Variants in DENND1A observed in about 807,000 individuals in gnomAD.
The protein encoded by DENND1A is DENN domain-containing protein 1A.
In DENND1A, 51 loss-of-function variants were observed where a neutral mutation model predicts 113.7. That is an observed-to-expected ratio of 0.45 (90% CI 0.36 to 0.57). The LOEUF (loss-of-function observed/expected upper bound fraction) is 0.57. Ranked by LOEUF, DENND1A falls within the 20% of genes least tolerant of loss-of-function variation. The pLI is 0.00. For synonymous variants in DENND1A, 565 were observed against 570.8 expected (o/e 0.99, Z 0.14); for missense variants, 1,258 against 1,395.9 (o/e 0.90, Z 1.57).
At chr9:123,663,888 A>C (rs1395984573) in intron 8 of DENND1A, among the ~76,000 whole-genome samples, 1 of 152,100 alleles carries the variant, frequency 6.6e-6, no homozygotes, top group Non-Finnish European at 1.5e-5. Context: ...GTCTCAAACA[A>C]AGTATTACTC....
chr9:123,793,828 C>A (rs964855013), intron 2 of DENND1A, among the ~76,000 whole-genome samples: 5 of 152,156 alleles, frequency 3.3e-5, no homozygotes, highest in Admixed American at 2.6e-4. Context: ...ATAATAAAAG[C>A]AGGAATATTC....
intron 1 of DENND1A, chr9:123,928,918 T>A: frequency 1.0e-6 from 1 of 985,068 alleles, no homozygotes; most frequent in Non-Finnish European, 1.2e-6. Context: ...TCAACTTTGC[T>A]TTTTAATGCC....
At chr9:123,411,282 G>C (rs958398418) in intron 20 of DENND1A, 2 of 152,222 alleles carry the variant, frequency 1.3e-5, no homozygotes, top group African/African-American at 4.8e-5. Context: ...ATGGGAAAGT[G>C]GATCTCCAAG....
intron 5 of DENND1A, among the ~76,000 whole-genome samples, chr9:123,725,941 T>C (rs1484839845): frequency 6.6e-6 from 1 of 152,220 alleles, no homozygotes; most frequent in Admixed American, 6.5e-5. Flanking sequence ...CGTTCAGCTT[T>C]TAGTAAGTAA....
chr9:123,536,709 TG>T (rs2055807799), intron 13 of DENND1A, among the ~76,000 whole-genome samples: 1 of 151,292 alleles, frequency 6.6e-6, no homozygotes, highest in South Asian at 2.1e-4. Flanking sequence ...GGGTCCACAA[TG>T]GGGAGAAACT....
chr9:123,710,183 T>C (rs2066485924), intron 5 of DENND1A, among the ~76,000 whole-genome samples: 1 of 152,218 alleles, frequency 6.6e-6, no homozygotes, highest in Non-Finnish European at 1.5e-5. Flanking sequence ...CTTGCATACA[T>C]ACAAATGTTT....
chr9:123,569,230 C>A (rs1319102866), intron 12 of DENND1A, among the ~76,000 whole-genome samples: 1 of 152,142 alleles, frequency 6.6e-6, no homozygotes, highest in African/African-American at 2.4e-5. Context: ...GTGAGCTCTG[C>A]CAGTTAATTG....
intron 2 of DENND1A, among the ~76,000 whole-genome samples, chr9:123,827,417 A>G (rs1475967539): frequency 6.9e-6 from 1 of 144,810 alleles, no homozygotes; most frequent in Non-Finnish European, 1.5e-5. Context: ...ATATATATAT[A>G]GGTGGGAGGA....
At chr9:123,523,486 G>A (rs1221003565) in intron 13 of DENND1A, among the ~76,000 whole-genome samples, 3 of 152,228 alleles carry the variant, frequency 2.0e-5, no homozygotes, top group African/African-American at 7.2e-5. Flanking sequence ...TAAGGAACCT[G>A]TAGTATTTGT....
At chr9:123,902,110 T>C (rs995900150) in intron 1 of DENND1A, among the ~76,000 whole-genome samples, 3 of 151,970 alleles carry the variant, frequency 2.0e-5, no homozygotes, top group African/African-American at 7.2e-5. Flanking sequence ...CAGGTTCATT[T>C]GTCTTCCACC....
intron 16 of DENND1A, among the ~76,000 whole-genome samples, chr9:123,453,748 G>A (rs149888074): frequency 1.9e-3 from 295 of 152,254 alleles, no homozygotes; most frequent in Admixed American, 3.7e-3. Context: ...GAAATTTTGA[G>A]CTTTAATTAA....
intron 1 of DENND1A, among the ~76,000 whole-genome samples, chr9:123,919,813 T>G (rs1315307565): frequency 1.5e-5 from 2 of 134,632 alleles, no homozygotes; most frequent in Non-Finnish European, 1.5e-5. Flanking sequence ...ACCTGGGAGG[T>G]GGAGGTTGCA....
At chr9:123,655,237 G>C (rs1349828583) in intron 8 of DENND1A, among the ~76,000 whole-genome samples, 1 of 152,092 alleles carries the variant, frequency 6.6e-6, no homozygotes, top group Non-Finnish European at 1.5e-5. Flanking sequence ...GTATGTTTTT[G>C]CCACGAGACG....
intron 5 of DENND1A, among the ~76,000 whole-genome samples, chr9:123,697,903 C>A (rs890945849): frequency 1.3e-5 from 2 of 152,122 alleles, no homozygotes; most frequent in African/African-American, 4.8e-5. Context: ...TAAACACAAC[C>A]TTTAGGCTGT....
chr9:123,385,785 G>C, intron 22 of DENND1A, among the ~76,000 whole-genome samples: 1 of 152,186 alleles, frequency 6.6e-6, no homozygotes, highest in East Asian at 1.9e-4. Context: ...CGCAAGAGGT[G>C]GAAATGGAAG....
intron 19 of DENND1A, chr9:123,414,448 AG>A (rs2044559176): frequency 6.8e-7 from 1 of 1,477,068 alleles, no homozygotes; most frequent in Non-Finnish European, 9.0e-7. Flanking sequence ...TCTCAGTGGA[AG>A]GCCGGCATCT....
In DENND1A at chr9:123,403,505, G is replaced by C. The variant is rs1051220211; in HGVS notation, c.1543-15C>G. 1 of 1,612,066 alleles carries C rather than the reference G, an allele frequency of 6.2e-7. No homozygotes were observed. ...GGTGGGCGCACCTAGAGGAGGTACA[G>C]GGGGAGAGCCCCAAGAAGGAGTGAG... is the stretch of plus-strand genomic sequence containing the variant. On this transcript the variant is annotated splice_polypyrimidine_tract_variant and intron_variant, in intron 20 of 23. Coordinates refer to ENST00000394215, the MANE Select transcript of DENND1A (RefSeq NM_001352964.2).
At chr9:123,451,293 T>C (rs2047702518) in intron 17 of DENND1A, among the ~76,000 whole-genome samples, 1 of 152,164 alleles carries the variant, frequency 6.6e-6, no homozygotes, top group Non-Finnish European at 1.5e-5. Context: ...CCTGCTAAAA[T>C]AACTACAGCT....
At chr9:123,522,194 C>A (rs1311456817) in intron 13 of DENND1A, among the ~76,000 whole-genome samples, 1 of 152,178 alleles carries the variant, frequency 6.6e-6, no homozygotes, top group African/African-American at 2.4e-5. Flanking sequence ...ATCCTGCTAC[C>A]CCCTTGGACA....
Sources: gnomAD v4.1 joint callset for allele counts (sites outside exome capture counted in the v4.1 genomes callset) on GRCh38, gnomAD v4.1.1 for gene constraint, MANE v1.5 for transcripts, NCBI Gene and HGNC (gene_info 2026-07-23, HGNC 2026-07-21) for gene names.